ZNF334: variants seen among roughly 807,000 people sequenced by gnomAD.
ZNF334 encodes zinc finger protein 334.
In ZNF334, 14 loss-of-function variants were observed where a neutral mutation model predicts 12.4. The observed-to-expected ratio is 1.13, with a 90% CI of 0.74 to 1.76. The LOEUF is 1.76. Among genes scored for constraint, ZNF334 ranks in the 40% most tolerant of loss-of-function variants. The probability of loss-of-function intolerance (pLI) is 0.00; values close to 1 mark genes in which losing one functional copy is unlikely to be tolerated. For synonymous variants in ZNF334, 273 were observed against 269.6 expected, an observed-to-expected ratio of 1.01 and a Z score of -0.12; for missense variants, 797 against 804.5, an observed-to-expected ratio of 0.99 and a Z score of 0.11.
At chr20:46,474,949 G>A in the ZNF334 span, among the ~76,000 whole-genome samples, 5 of 152,168 alleles carry the variant, frequency 3.3e-5, no homozygotes, top group African/African-American at 9.7e-5. Context: ...TGAAGGGACA[G>A]AAAGGAACAG....
chr20:46,471,386 C>T, the ZNF334 span, among the ~76,000 whole-genome samples: 1 of 152,096 alleles, frequency 6.6e-6, no homozygotes, highest in African/African-American at 2.4e-5. Context: ...ATTACCAATA[C>T]CTTCTTCCAT....
intron 2 of ZNF334, among the ~76,000 whole-genome samples, chr20:46,510,007 T>C (rs2061585032): frequency 6.6e-6 from 1 of 152,128 alleles, no homozygotes; most frequent in Non-Finnish European, 1.5e-5. Context: ...ATGTAGACCA[T>C]CTAGCATAGC....
chr20:46,509,752 C>A (rs2061575599), intron 2 of ZNF334: 2 of 684,938 alleles, frequency 2.9e-6, no homozygotes, highest in Non-Finnish European at 5.4e-6. Flanking sequence ...TCATCCAAGT[C>A]TAAAACAGGA....
At chr20:46,466,612 T>C in the ZNF334 span, among the ~76,000 whole-genome samples, 1 of 152,088 alleles carries the variant, frequency 6.6e-6, no homozygotes, top group Non-Finnish European at 1.5e-5. Context: ...GCCTCCCGAG[T>C]AGCTGAGATT....
At chr20:46,488,419 T>TTATTTATTTATATATATATATATATA in the ZNF334 span, among the ~76,000 whole-genome samples, 2 of 102,242 alleles carry the variant, frequency 2.0e-5, no homozygotes, top group Non-Finnish European at 4.0e-5. Context: ...AGCTCTTATT[T>TTATTTATTTATATATATATATATATA]TATATATATA....
At chr20:46,484,043 C>G in the ZNF334 span, among the ~76,000 whole-genome samples, 6 of 152,110 alleles carry the variant, frequency 3.9e-5, no homozygotes, top group Admixed American at 6.6e-5. Context: ...CCAGTAGGTT[C>G]AAGACTCAAG....
chr20:46,487,960 T>G, the ZNF334 span, among the ~76,000 whole-genome samples: 38 of 152,182 alleles, frequency 2.5e-4, no homozygotes, highest in African/African-American at 8.7e-4. Context: ...TTTTTGGTGG[T>G]AGTAACTGGG....
At chr20:46,491,775 G>A in the ZNF334 span, 2,122 of 152,444 alleles carry the variant, frequency 0.014, 22 homozygotes, top group Admixed American at 0.024. Flanking sequence ...TTTAAATATC[G>A]GTCAAACTTT....
downstream of ZNF334, among the ~76,000 whole-genome samples, chr20:46,498,612 T>TTTA (rs1418605809): frequency 6.6e-6 from 1 of 152,214 alleles, no homozygotes; most frequent in Non-Finnish European, 1.5e-5. Flanking sequence ...ATAGTAAATG[T>TTTA]TTACTGTTTT....
the ZNF334 span, among the ~76,000 whole-genome samples, chr20:46,476,722 AGAT>A: frequency 2.0e-5 from 3 of 152,236 alleles, no homozygotes; most frequent in African/African-American, 7.2e-5. Flanking sequence ...TTCATTTTAA[AGAT>A]GAGTCACATA....
At chr20:46,466,406 G>T in the ZNF334 span, among the ~76,000 whole-genome samples, 11 of 151,968 alleles carry the variant, frequency 7.2e-5, no homozygotes, top group African/African-American at 2.4e-4. Context: ...GTAATAAAAG[G>T]GAAATGCAAA....
chr20:46,493,257 C>T, the ZNF334 span, among the ~76,000 whole-genome samples: 4 of 152,302 alleles, frequency 2.6e-5, no homozygotes, highest in African/African-American at 9.6e-5. Flanking sequence ...ATAGAGGCAG[C>T]TATCTAAAGA....
the ZNF334 span, among the ~76,000 whole-genome samples, chr20:46,475,681 C>T: frequency 6.6e-6 from 1 of 152,158 alleles, no homozygotes; most frequent in African/African-American, 2.4e-5. Flanking sequence ...AAGTGTTCAA[C>T]ATCATTAGCC....
chr20:46,487,300 A>T, the ZNF334 span, among the ~76,000 whole-genome samples: 1 of 152,200 alleles, frequency 6.6e-6, no homozygotes, highest in East Asian at 1.9e-4. Flanking sequence ...TTTTCTCTGA[A>T]CAATGAGTCA....
chr20:46,501,538 C>T lies in ZNF334; in HGVS notation c.1801G>A (p.Glu601Lys), dbSNP rs867142792. ...AAGGATTTCCCACATTCATTACATT[C>T]ATATGGTTTCTCCCCAGTGTGAGTT... The part of the protein sequence containing the change: ...QRTHTGEKPY[E>K]CNECGKSFCH... Residue 601 changes from glutamate (E) to lysine (K), a missense_variant, in exon 5 of 5, where the codon GAA (glutamate) becomes AAA (lysine). Glu to Lys is a moderately conservative substitution (Grantham distance 56, BLOSUM62 1). Transcript: ENST00000692313. 1 of 1,614,126 alleles carries T rather than the reference C, an allele frequency of 6.2e-7. No individual in the cohort carries two copies. The highest frequency in any genetic ancestry group is 1.3e-5 in the African/African-American group (1 of 75,028).
At chr20:46,504,132 A>G (rs2061346640) in intron 4 of ZNF334, 82 bp downstream of exon 4, 2 of 952,594 alleles carry the variant, frequency 2.1e-6, no homozygotes, top group African/African-American at 1.7e-5. Context: ...CATGAAAAAC[A>G]TTACGATGCC....
At chr20:46,474,190 T>C in the ZNF334 span, among the ~76,000 whole-genome samples, 1 of 152,068 alleles carries the variant, frequency 6.6e-6, no homozygotes, top group African/African-American at 2.4e-5. Context: ...CTGGCTGACA[T>C]GGCGAAACCC....
intron 2 of ZNF334, chr20:46,509,663 G>A (rs897483420): frequency 3.8e-5 from 27 of 702,820 alleles, no homozygotes; most frequent in South Asian, 7.4e-5. Context: ...GTTAACTTGC[G>A]CACACTTCCA....
At chr20:46,506,700 G>T in intron 2 of ZNF334, 1 of 189,886 alleles carries the variant, frequency 5.3e-6, no homozygotes, top group Non-Finnish European at 1.1e-5. Flanking sequence ...CATGAAACTG[G>T]TTACATTCAG....
Sources: allele counts gnomAD v4.1 joint callset (sites outside exome capture counted in the v4.1 genomes callset), GRCh38; gene constraint gnomAD v4.1.1; transcripts MANE v1.5; gene names NCBI Gene and HGNC (gene_info 2026-07-23, HGNC 2026-07-21).